Variants in CDH20 observed in about 807,000 individuals in gnomAD.
The protein encoded by CDH20 is cadherin 20, also known as cadherin-20.
A neutral mutation model predicts 74.2 loss-of-function variants in CDH20; 29 were observed. That is an observed-to-expected ratio of 0.39 (90% CI 0.29 to 0.53). CDH20 has a LOEUF of 0.53. Ranked by LOEUF, CDH20 falls within the 20% of genes least tolerant of loss-of-function variation. The pLI is 0.69. For missense variants in CDH20, 988 were observed against 1,048.3 expected, an observed-to-expected ratio of 0.94 and a Z score of 0.79; for synonymous variants, 469 against 405.4, an observed-to-expected ratio of 1.16 and a Z score of -1.88.
intron 9 of CDH20, among the ~76,000 whole-genome samples, chr18:61,540,521 G>A (rs535209334): frequency 1.3e-5 from 2 of 152,278 alleles, no homozygotes; most frequent in African/African-American, 4.8e-5. Flanking sequence ...TAAGAGCCAA[G>A]TGAAAAGGGA....
chr18:61,531,647 T>C (rs1209959678), intron 7 of CDH20, among the ~76,000 whole-genome samples: 2 of 152,246 alleles, frequency 1.3e-5, no homozygotes, highest in East Asian at 1.9e-4. Flanking sequence ...TGATGTGATC[T>C]GGCTCTGTGT....
Position 61,527,999 on chromosome 18 carries a change from C to A in CDH20, c.1050C>A (p.Thr350=). Residue 350 remains threonine (T), a synonymous_variant, in exon 7 of 12, where the codon ACC becomes ACA. Coordinates refer to ENST00000262717, the MANE Select transcript of CDH20 (RefSeq NM_031891.4). The part of the protein sequence containing the change: ...PLSFESKKSY[T]LKVEGANPHL... The stretch of plus-strand genomic sequence containing the variant: ...GTTTTGAAAGCAAGAAAAGCTACAC[C>A]TTAAAGGTGGAGGGAGCCAATCCTC... 6 of 1,614,042 alleles carry A rather than the reference C, an allele frequency of 3.7e-6. No individual in the cohort carries two copies. The highest frequency in any genetic ancestry group is 5.1e-6 in the Non-Finnish European group (6 of 1,179,930).
chr18:61,537,364 A>T (rs1250148409), intron 8 of CDH20, among the ~76,000 whole-genome samples: 1 of 152,176 alleles, frequency 6.6e-6, no homozygotes, highest in Non-Finnish European at 1.5e-5. Context: ...GATATCAACA[A>T]AGATTTAAAT....
intron 1 of CDH20, among the ~76,000 whole-genome samples, chr18:61,366,948 G>T (rs114039237): frequency 6.6e-6 from 1 of 152,110 alleles, no homozygotes; most frequent in Non-Finnish European, 1.5e-5. Context: ...ATATTAGGGC[G>T]CAAACAGGTA....
chr18:61,499,564 A>G lies in CDH20; in HGVS notation c.541+84A>G, dbSNP rs1354246481. The stretch of plus-strand genomic sequence containing the variant: ...CACACATATGCACATGCACACACAC[A>G]TGTAGATACACATATATTCAGAACA... On this transcript the variant is annotated intron_variant, in intron 3 of 11. Transcript: ENST00000262717. The G allele has an allele frequency of 4.7e-6, 5 of 1,059,946 alleles. No individual in the cohort carries two copies. The South Asian group carries it at 6.3e-5, about 13-fold the overall frequency. 65.7% of individuals were successfully genotyped at this position (1,059,946 alleles called of 1,614,324 possible).
chr18:61,350,100 A>G (rs1350804251), intron 1 of CDH20, among the ~76,000 whole-genome samples: 1 of 151,942 alleles, frequency 6.6e-6, no homozygotes, highest in Non-Finnish European at 1.5e-5. Context: ...TCCTGCTTGT[A>G]CAGTATATTA....
intron 6 of CDH20, among the ~76,000 whole-genome samples, chr18:61,519,211 CAGG>C (rs1431265111): frequency 2.6e-5 from 4 of 151,228 alleles, no homozygotes; most frequent in Admixed American, 2.0e-4. Context: ...GGGTATTATC[CAGG>C]AGAACTTCCC....
intron 1 of CDH20, among the ~76,000 whole-genome samples, chr18:61,359,162 G>A (rs1301070955): frequency 6.6e-6 from 1 of 151,736 alleles, no homozygotes; most frequent in Non-Finnish European, 1.5e-5. Flanking sequence ...ATTCCAACTT[G>A]GTAAATATAA....
intron 1 of CDH20, among the ~76,000 whole-genome samples, chr18:61,365,501 G>A (rs550961792): frequency 5.3e-5 from 8 of 152,194 alleles, no homozygotes; most frequent in Admixed American, 6.5e-5. Flanking sequence ...TCCAGTGAGA[G>A]TACCAGGAAT....
intron 6 of CDH20, among the ~76,000 whole-genome samples, chr18:61,507,988 T>A (rs1485624753): frequency 1.3e-5 from 2 of 152,320 alleles, no homozygotes; most frequent in South Asian, 2.1e-4. Flanking sequence ...AAGGGTTTTT[T>A]AATTGCTTCT....
intron 1 of CDH20, among the ~76,000 whole-genome samples, chr18:61,337,346 G>A (rs192990766): frequency 5.3e-5 from 8 of 152,034 alleles, no homozygotes; most frequent in Admixed American, 1.3e-4. Context: ...AAAAATAAAC[G>A]CATTACCTAA....
chr18:61,487,758 C>A (rs1462888352), intron 1 of CDH20, among the ~76,000 whole-genome samples: 2 of 152,144 alleles, frequency 1.3e-5, no homozygotes, highest in African/African-American at 2.4e-5. Context: ...TCAAAGAAGG[C>A]TTTTCTCCTT....
intron 1 of CDH20, among the ~76,000 whole-genome samples, chr18:61,442,876 T>G (rs1177323717): frequency 6.7e-6 from 1 of 150,180 alleles, no homozygotes; most frequent in Non-Finnish European, 1.5e-5. Context: ...CTCACTGATT[T>G]GCCCTCAGAT....
At chr18:61,409,884 T>C (rs1427207865) in intron 1 of CDH20, among the ~76,000 whole-genome samples, 2 of 152,156 alleles carry the variant, frequency 1.3e-5, no homozygotes, top group Non-Finnish European at 2.9e-5. Context: ...CTGTTGCCTA[T>C]GACAGTGACA....
At chr18:61,480,535 A>G (rs1910554819) in intron 1 of CDH20, among the ~76,000 whole-genome samples, 1 of 152,294 alleles carries the variant, frequency 6.6e-6, no homozygotes, top group South Asian at 2.1e-4. Context: ...TAGGTGAGAG[A>G]CAAATGGTTG....
intron 1 of CDH20, among the ~76,000 whole-genome samples, chr18:61,453,941 A>G (rs906418337): frequency 6.6e-6 from 1 of 152,170 alleles, no homozygotes; most frequent in African/African-American, 2.4e-5. Context: ...TATGAGTAAC[A>G]TAGCTCCTCC....
At chr18:61,406,117 T>C (rs1912321435) in intron 1 of CDH20, among the ~76,000 whole-genome samples, 1 of 152,116 alleles carries the variant, frequency 6.6e-6, no homozygotes, top group Non-Finnish European at 1.5e-5. Flanking sequence ...TCCTAAAATA[T>C]TTGAGTGGGT....
chr18:61,378,131 C>T (rs140384994), intron 1 of CDH20, among the ~76,000 whole-genome samples: 130 of 152,242 alleles, frequency 8.5e-4, no homozygotes, highest in African/African-American at 3.0e-3. Context: ...CATTCTACCC[C>T]AGGAGCAGAT....
At chr18:61,501,461 A>C (rs1911382287) in intron 4 of CDH20, among the ~76,000 whole-genome samples, 2 of 152,152 alleles carry the variant, frequency 1.3e-5, no homozygotes. Context: ...AAGTATTATT[A>C]CTTCCATTTT....
Sources: allele counts gnomAD v4.1 joint callset (sites outside exome capture counted in the v4.1 genomes callset), GRCh38; gene constraint gnomAD v4.1.1; transcripts MANE v1.5; gene names NCBI Gene and HGNC (gene_info 2026-07-23, HGNC 2026-07-21).